The following TLL1 variants were observed in gnomAD, a reference collection of about 807,000 sequenced individuals.
TLL1 encodes the protein tolloid like 1, also known as tolloid-like protein 1.
Under a neutral mutation model 128.2 loss-of-function variants are expected in TLL1, and 49 were observed. That is an observed-to-expected ratio of 0.38 (90% CI 0.30 to 0.48). The LOEUF (loss-of-function observed/expected upper bound fraction) is 0.48. Among genes scored for constraint, TLL1 ranks in the 20% least tolerant of loss-of-function variants. The pLI is 0.96. For missense variants in TLL1, 1,123 were observed against 1,242.0 expected (o/e 0.90, Z 1.44); for synonymous variants, 454 against 418.8 (o/e 1.08, Z -1.03).
intron 1 of TLL1, among the ~76,000 whole-genome samples, chr4:165,902,110 T>C (rs1225991300): frequency 6.6e-6 from 1 of 152,074 alleles, no homozygotes; most frequent in Non-Finnish European, 1.5e-5. Context: ...AGCTTGAGCA[T>C]CCCAGGTTGA....
At chr4:165,984,147 A>G (rs771078589) in intron 1 of TLL1, among the ~76,000 whole-genome samples, 1 of 151,956 alleles carries the variant, frequency 6.6e-6, no homozygotes, top group Admixed American at 6.6e-5. Flanking sequence ...TTTAACAAAG[A>G]CACATACTAC....
chr4:166,041,964 A>G (rs1220565759), intron 10 of TLL1, 63 bp from the exon 11 acceptor site: 2 of 1,185,252 alleles, frequency 1.7e-6, no homozygotes, highest in Non-Finnish European at 2.5e-6. Context: ...TGACTAGTAC[A>G]AAAAGAACGT....
chr4:166,078,273 G>A (rs1010217014), intron 18 of TLL1, among the ~76,000 whole-genome samples: 10 of 152,056 alleles, frequency 6.6e-5, no homozygotes, highest in African/African-American at 2.4e-4. Context: ...TACCAAAGTT[G>A]CTGCAAAACA....
intron 1 of TLL1, among the ~76,000 whole-genome samples, chr4:165,980,584 T>TA (rs1736110758): frequency 6.6e-6 from 1 of 152,154 alleles, no homozygotes; most frequent in Non-Finnish European, 1.5e-5. Context: ...ACAGAACTGG[T>TA]AAAACTAGAC....
intron 1 of TLL1, among the ~76,000 whole-genome samples, chr4:165,977,714 A>C (rs17047166): frequency 0.079 from 12,079 of 152,172 alleles, 1,570 homozygotes; most frequent in African/African-American, 0.27. Context: ...TTCTTCAATG[A>C]GAGAAAATTA....
At chr4:165,980,669 T>G (rs1182607677) in intron 1 of TLL1, among the ~76,000 whole-genome samples, 1 of 152,008 alleles carries the variant, frequency 6.6e-6, no homozygotes, top group African/African-American at 2.4e-5. Flanking sequence ...AAAGTAGCCT[T>G]CAAATACCTG....
chr4:166,009,134 A>T (rs1026196189), intron 7 of TLL1, among the ~76,000 whole-genome samples: 2 of 151,488 alleles, frequency 1.3e-5, no homozygotes, highest in Admixed American at 1.3e-4. Context: ...TTTCTAGAAT[A>T]TGAATTTAAG....
chr4:166,069,612 A>T (rs966829101), intron 16 of TLL1, among the ~76,000 whole-genome samples: 12 of 151,778 alleles, frequency 7.9e-5, no homozygotes, highest in Non-Finnish European at 1.8e-4. Flanking sequence ...TAATAAAATA[A>T]TTGCATAAGA....
At chr4:166,016,617 G>A (rs79080426) in intron 8 of TLL1, among the ~76,000 whole-genome samples, 5,601 of 151,914 alleles carry the variant, frequency 0.037, 108 homozygotes, top group East Asian at 0.067. Flanking sequence ...TTTCTTACCT[G>A]AAATATAGAA....
At chr4:165,994,270 A>T in intron 3 of TLL1, 111 bp from the exon 4 acceptor site, 1 of 1,319,808 alleles carries the variant, frequency 7.6e-7, no homozygotes, top group Non-Finnish European at 1.1e-6. Flanking sequence ...GACTTCTGGC[A>T]TTTATACAAA....
In TLL1 at chr4:166,056,553, C is replaced by T. The variant is rs573130961; in HGVS notation, c.1721-631C>T. Among the ~76,000 whole-genome samples the T allele has an allele frequency of 2.0e-4, 31 of 152,022 alleles. 1 individual carries two copies. Among genetic ancestry groups the T allele is most frequent in the Admixed American group, 7.2e-4 (11 of 15,236 alleles). On this transcript the variant is annotated intron_variant, in intron 13 of 20. Coordinates refer to ENST00000061240, the MANE Select transcript of TLL1 (RefSeq NM_012464.5). ...ATCCAGTCAATTTCTGAGTTTTATACCTTTTAATTTATGTTCACCACAATC... is the reference window on the plus strand; with the variant it reads ...ATCCAGTCAATTTCTGAGTTTTATATCTTTTAATTTATGTTCACCACAATC...
At chr4:165,996,610 A>G (rs1052667948) in intron 5 of TLL1, among the ~76,000 whole-genome samples, 7 of 138,080 alleles carry the variant, frequency 5.1e-5, no homozygotes, top group African/African-American at 2.0e-4. Context: ...AAATAAATAA[A>G]TAAACAAACA....
At chr4:165,874,095 G>A in intron 1 of TLL1, 22 bp downstream of exon 1, 1 of 1,613,920 alleles carries the variant, frequency 6.2e-7, no homozygotes, top group Admixed American at 1.7e-5. Context: ...TCCAGGTTGG[G>A]ACGGTGGCGC....
intron 5 of TLL1, among the ~76,000 whole-genome samples, chr4:165,998,573 C>A (rs1443888100): frequency 6.6e-6 from 1 of 151,826 alleles, no homozygotes; most frequent in Non-Finnish European, 1.5e-5. Flanking sequence ...GCGGGCGGAT[C>A]ACGAGGTCAG....
chr4:165,975,313 G>A (rs1451363998), intron 1 of TLL1, among the ~76,000 whole-genome samples: 2 of 152,134 alleles, frequency 1.3e-5, no homozygotes, highest in Middle Eastern at 6.8e-3. Context: ...AACTCTAGTA[G>A]TAGTACCCCT....
chr4:165,968,382 C>G (rs1735487102), intron 1 of TLL1, among the ~76,000 whole-genome samples: 1 of 152,132 alleles, frequency 6.6e-6, no homozygotes, highest in Admixed American at 6.6e-5. Flanking sequence ...TCAGAATACA[C>G]TTTTTCTATT....
chr4:165,921,603 C>G (rs1391189984), intron 1 of TLL1, among the ~76,000 whole-genome samples: 1 of 152,126 alleles, frequency 6.6e-6, no homozygotes, highest in Non-Finnish European at 1.5e-5. Flanking sequence ...CTTAGTTATT[C>G]TGGCAGATTT....
intron 1 of TLL1, among the ~76,000 whole-genome samples, chr4:165,951,614 A>G (rs912640473): frequency 2.0e-4 from 31 of 152,242 alleles, no homozygotes; most frequent in Middle Eastern, 3.4e-3. Flanking sequence ...GCTATATTAG[A>G]TGTGTTACCC....
Position 166,060,082 on chromosome 4 carries a change from G to A in TLL1, c.1901G>A (p.Trp634Ter). The change falls in exon 15 of 21, where the codon TGG becomes TAG. Residue 634 changes from tryptophan to a stop codon, truncating the protein, a stop_gained. Transcript: ENST00000061240. LOFTEE classifies it high-confidence loss of function. Reference sequence around the variant, plus strand: ...AACGGCACCATAACCACCCCTGGCTGGCCCAAGGAGTACCCTCCTAATAAG... The same window carrying A: ...AACGGCACCATAACCACCCCTGGCTAGCCCAAGGAGTACCCTCCTAATAAG... The part of the protein sequence containing the change: ...KLNGTITTPG[W>*]PKEYPPNKNC... The A allele has an allele frequency of 6.2e-7, 1 of 1,613,710 alleles. No individual in the cohort carries two copies. Among genetic ancestry groups the A allele is most frequent in the Non-Finnish European group, 8.5e-7 (1 of 1,179,860 alleles).
Sources: gnomAD v4.1 joint callset for allele counts (sites outside exome capture counted in the v4.1 genomes callset) on GRCh38, gnomAD v4.1.1 for gene constraint, MANE v1.5 for transcripts, NCBI Gene and HGNC (gene_info 2026-07-23, HGNC 2026-07-21) for gene names.